TBC1D30: variants seen among roughly 807,000 people sequenced by gnomAD.
TBC1D30 encodes the protein TBC1 domain family, member 30.
TBC1D30 carries 31 observed loss-of-function variants against 63.2 expected under a neutral mutation model. The ratio of observed to expected loss-of-function variants is 0.49; its 90% CI spans 0.37 to 0.66. The LOEUF (loss-of-function observed/expected upper bound fraction) is 0.66, where lower values mean the gene tolerates loss of function less well. TBC1D30 is among the 30% of genes least tolerant of loss of function. TBC1D30 has a pLI of 0.00. For synonymous variants in TBC1D30, 307 were observed against 361.5 expected (o/e 0.85, Z 1.71); for missense variants, 810 against 953.6 (o/e 0.85, Z 1.98).
At chr12:64,767,766 TGATAA>T (rs1870764106) in intron 1 of TBC1D30, among the ~76,000 whole-genome samples, 1 of 105,550 alleles carries the variant, frequency 9.5e-6, no homozygotes, top group Non-Finnish European at 1.7e-5. Flanking sequence ...CTGGACACCT[TGATAA>T]GATACACATG....
intron 1 of TBC1D30, among the ~76,000 whole-genome samples, chr12:64,766,080 T>G (rs759766760): frequency 1.3e-5 from 2 of 151,912 alleles, no homozygotes; most frequent in Admixed American, 6.6e-5. Context: ...CTACATGGAT[T>G]AAGAGATGAT....
At chr12:64,833,746 A>G (rs1210417908) in intron 5 of TBC1D30, among the ~76,000 whole-genome samples, 1 of 152,240 alleles carries the variant, frequency 6.6e-6, no homozygotes, top group East Asian at 1.9e-4. Context: ...GCAGCTTTGA[A>G]GTTACTTGTT....
At chr12:64,802,023 G>C (rs966613799) in intron 2 of TBC1D30, among the ~76,000 whole-genome samples, 9 of 33,648 alleles carry the variant, frequency 2.7e-4, no homozygotes, top group Non-Finnish European at 1.9e-4. Context: ...TTCTTTTCTG[G>C]TACTGGCACG....
intron 2 of TBC1D30, among the ~76,000 whole-genome samples, chr12:64,809,953 G>A (rs7964493): frequency 0.52 from 78,444 of 151,658 alleles, 22,583 homozygotes; most frequent in East Asian, 0.9. Flanking sequence ...TTTCTTCTTC[G>A]CTATTTCCTC....
intron 2 of TBC1D30, among the ~76,000 whole-genome samples, chr12:64,793,048 A>G (rs1374024204): frequency 6.6e-6 from 1 of 152,172 alleles, no homozygotes; most frequent in African/African-American, 2.4e-5. Flanking sequence ...TAAAAAATAA[A>G]GAGCAAGCTC....
At chr12:64,817,800 T>C (rs989579615) in intron 2 of TBC1D30, among the ~76,000 whole-genome samples, 4 of 152,178 alleles carry the variant, frequency 2.6e-5, no homozygotes, top group African/African-American at 7.2e-5. Flanking sequence ...ACATGGCTCA[T>C]GCCTGTAATC....
chr12:64,868,747 A>ACCG, intron 10 of TBC1D30: 1 of 190,860 alleles, frequency 5.2e-6, no homozygotes, highest in Non-Finnish European at 1.1e-5. Flanking sequence ...AAACCAGAAC[A>ACCG]AGTCTACTTA....
At chr12:64,864,878 AAAGT>A (rs1878089526) in intron 9 of TBC1D30, 98 bp downstream of exon 9, 1 of 847,212 alleles carries the variant, frequency 1.2e-6, no homozygotes, top group Admixed American at 2.7e-5. Context: ...GAGATATGTT[AAAGT>A]AAGTTGACAC....
chr12:64,765,142 A>C (rs768243794), intron 1 of TBC1D30, among the ~76,000 whole-genome samples: 1 of 152,218 alleles, frequency 6.6e-6, no homozygotes. Flanking sequence ...AGGGAAGACT[A>C]CGAAACCTAG....
intron 7 of TBC1D30, among the ~76,000 whole-genome samples, chr12:64,843,139 C>T (rs1876034729): frequency 1.3e-5 from 2 of 152,140 alleles, no homozygotes; most frequent in South Asian, 4.1e-4. Flanking sequence ...TCCTGAGTAG[C>T]TAGGACCACA....
At chr12:64,800,918 C>T (rs1277243069) in intron 2 of TBC1D30, among the ~76,000 whole-genome samples, 2 of 152,044 alleles carry the variant, frequency 1.3e-5, no homozygotes, top group Admixed American at 1.3e-4. Context: ...GGACAGAAGC[C>T]ACATTACACT....
intron 1 of TBC1D30, among the ~76,000 whole-genome samples, chr12:64,762,707 C>G (rs768398784): frequency 6.6e-4 from 101 of 152,176 alleles, no homozygotes; most frequent in South Asian, 1.2e-3. Flanking sequence ...CTTTTTTCCC[C>G]TTACATTATA....
At chr12:64,868,986 T>C (rs560327949) in intron 10 of TBC1D30, among the ~76,000 whole-genome samples, 6 of 152,316 alleles carry the variant, frequency 3.9e-5, no homozygotes, top group African/African-American at 1.4e-4. Flanking sequence ...CATTTTTTTT[T>C]TTCTAAACAG....
chr12:64,813,116 A>T (rs1873309515), intron 2 of TBC1D30, among the ~76,000 whole-genome samples: 1 of 152,168 alleles, frequency 6.6e-6, no homozygotes, highest in Non-Finnish European at 1.5e-5. Flanking sequence ...AGGGTTGGAC[A>T]TGGTGGTTCA....
At chr12:64,825,060 G>A in intron 1 of TBC1D30, 27 bp downstream of exon 1, 4 of 1,522,462 alleles carry the variant, frequency 2.6e-6, no homozygotes, top group Non-Finnish European at 3.5e-6. Flanking sequence ...TGCAGATGGG[G>A]CGCTGTAAAG....
intron 7 of TBC1D30, among the ~76,000 whole-genome samples, chr12:64,841,856 A>G (rs374314216): frequency 1.3e-5 from 2 of 152,178 alleles, no homozygotes; most frequent in East Asian, 1.9e-4. Flanking sequence ...TTTTATAGTA[A>G]TATTTCAGCA....
upstream of TBC1D30, among the ~76,000 whole-genome samples, chr12:64,822,186 T>C (rs779654802): frequency 6.6e-6 from 1 of 151,120 alleles, no homozygotes. Flanking sequence ...ATAGCAGCCA[T>C]TTTTTTTTCT....
chr12:64,795,704 C>CTTTTTTTT (rs1200673199), intron 2 of TBC1D30, among the ~76,000 whole-genome samples: 5 of 133,128 alleles, frequency 3.8e-5, no homozygotes, highest in Non-Finnish European at 4.9e-5. Flanking sequence ...CTCCACGCTC[C>CTTTTTTTT]TTTTTTTTTT....
At chr12:64,853,910 G>A (rs573626237) in intron 8 of TBC1D30, among the ~76,000 whole-genome samples, 41 of 152,326 alleles carry the variant, frequency 2.7e-4, no homozygotes, top group African/African-American at 9.1e-4. Context: ...CTTGCTGGGA[G>A]CTGCAGACTG....
Sources: allele counts gnomAD v4.1 joint callset (sites outside exome capture counted in the v4.1 genomes callset), GRCh38; gene constraint gnomAD v4.1.1; transcripts MANE v1.5; gene names NCBI Gene and HGNC (gene_info 2026-07-23, HGNC 2026-07-21).